The following CLCN4 variants were observed in gnomAD, a reference collection of about 807,000 sequenced individuals.
CLCN4 encodes the protein H(+)/Cl(-) exchange transporter 4.
Under a neutral mutation model 41.7 loss-of-function variants are expected in CLCN4, and 1 was observed. The observed-to-expected ratio is 0.02, with a 90% confidence interval of 0.01 to 0.11. The LOEUF is 0.11. Among genes scored for constraint, CLCN4 ranks in the 10% least tolerant of loss-of-function variants. The probability of loss-of-function intolerance (pLI) is 1.00; values close to 1 mark genes in which losing one functional copy is unlikely to be tolerated. For synonymous variants in CLCN4, 277 were observed against 285.8 expected, an observed-to-expected ratio of 0.97 and a Z score of 0.31; for missense variants, 287 against 661.0, an observed-to-expected ratio of 0.43 and a Z score of 6.20.
chrX:10,211,282 A>G (rs1246472604), intron 9 of CLCN4, among the ~76,000 whole-genome samples: 5 of 107,957 alleles, frequency 4.6e-5, no homozygotes, highest in African/African-American at 6.7e-5. Context: ...AAAAAAAAAA[A>G]AAAAAAGAAA....
chrX:10,166,475 G>GC (rs1221468408), intron 2 of CLCN4, among the ~76,000 whole-genome samples: 1 of 111,214 alleles, frequency 9.0e-6, no homozygotes, highest in Non-Finnish European at 1.9e-5. Context: ...GAGAAACGTG[G>GC]CCCCCAGTGC....
chrX:10,198,672 A>G (rs1924159699), intron 6 of CLCN4, among the ~76,000 whole-genome samples: 1 of 112,449 alleles, frequency 8.9e-6, no homozygotes, highest in Non-Finnish European at 1.9e-5. Context: ...ATGTAACCGA[A>G]GCATGAGGGA....
intron 2 of CLCN4, among the ~76,000 whole-genome samples, chrX:10,167,817 C>T (rs780924391): frequency 1.8e-5 from 2 of 112,649 alleles, no homozygotes; most frequent in Admixed American, 9.3e-5. Context: ...ACATAGAAAC[C>T]GTGTGAATGG....
intron 2 of CLCN4, among the ~76,000 whole-genome samples, chrX:10,158,987 T>C (rs1005083063): frequency 4.4e-5 from 5 of 113,078 alleles, no homozygotes; most frequent in African/African-American, 1.6e-4. Context: ...TTGTCCTCAG[T>C]AATTAGCCTC....
intron 12 of CLCN4, among the ~76,000 whole-genome samples, chrX:10,228,146 C>T (rs1219954514): frequency 9.1e-6 from 1 of 109,928 alleles, no homozygotes; most frequent in African/African-American, 3.3e-5. Flanking sequence ...ATTGTAGTCA[C>T]CCTGTTGCAC....
At chrX:10,194,121 G>A (rs1165447982) in intron 4 of CLCN4, among the ~76,000 whole-genome samples, 1 of 110,705 alleles carries the variant, frequency 9.0e-6, no homozygotes, top group Non-Finnish European at 1.9e-5. Flanking sequence ...AGAGAAGGGA[G>A]GGGTGAGTGC....
At chrX:10,190,564 G>T (rs1410133443) in intron 4 of CLCN4, among the ~76,000 whole-genome samples, 4 of 111,630 alleles carry the variant, frequency 3.6e-5, no homozygotes, top group Non-Finnish European at 5.6e-5. Flanking sequence ...TTGCTAGGGG[G>T]CAGTGTTTAC....
At chrX:10,175,917 T>C (rs188859025) in intron 2 of CLCN4, among the ~76,000 whole-genome samples, 125 of 64,042 alleles carry the variant, frequency 2.0e-3, no homozygotes, top group Middle Eastern at 0.018. Context: ...TCCCTCCCTC[T>C]CTCTCTCTCT....
intron 2 of CLCN4, among the ~76,000 whole-genome samples, chrX:10,172,285 A>G (rs1923402701): frequency 8.9e-6 from 1 of 112,135 alleles, no homozygotes; most frequent in Admixed American, 9.4e-5. Context: ...GTCATCGATT[A>G]ATACCTATTC....
chrX:10,182,046 T>C (rs1923698884), intron 2 of CLCN4, among the ~76,000 whole-genome samples: 2 of 111,561 alleles, frequency 1.8e-5, no homozygotes, highest in African/African-American at 6.5e-5. Context: ...CACAGTTCCT[T>C]TGGAGGCAAA....
chrX:10,214,041 T>C lies in CLCN4; in HGVS notation c.1937T>C (p.Ile646Thr), dbSNP rs747118105. ...GTCTCCAGAGACTCCGAGCGCCTCA[T>C]TGGATTTGCCCAGAGGAGGGAACTG... Reference protein sequence around the residue: ...VVVSRDSERLIGFAQRRELIL... With the variant: ...VVVSRDSERLTGFAQRRELIL... Residue 646 changes from isoleucine to threonine, a missense_variant, in exon 11 of 13, where the codon ATT (isoleucine) becomes ACT (threonine). Physicochemically the swap from Ile to Thr is moderately conservative, Grantham distance 89 (BLOSUM62 -1). This residue lies in a region of CLCN4 where 71 missense variants were observed against 104.5 expected (regional missense o/e 0.68). Transcript: ENST00000380833. 19 of 1,193,143 alleles carry C rather than the reference T, an allele frequency of 1.6e-5. No homozygotes were observed. The Admixed American group carries it at 3.5e-4, about 22-fold the overall frequency.
intron 2 of CLCN4, among the ~76,000 whole-genome samples, chrX:10,176,478 A>T (rs1301796645): frequency 8.9e-6 from 1 of 112,449 alleles, no homozygotes; most frequent in Non-Finnish European, 1.9e-5. Context: ...TCCCACCTGG[A>T]CCTTTCTCAG....
chrX:10,189,883 G>C (rs970897033), intron 4 of CLCN4, among the ~76,000 whole-genome samples: 1 of 112,469 alleles, frequency 8.9e-6, no homozygotes, highest in African/African-American at 3.2e-5. Flanking sequence ...TGTGCAGTAG[G>C]GGGGTTGTGA....
At chrX:10,203,899 T>A (rs1029464200) in intron 6 of CLCN4, among the ~76,000 whole-genome samples, 7 of 111,807 alleles carry the variant, frequency 6.3e-5, no homozygotes, top group Non-Finnish European at 1.1e-4. Context: ...TAAATAACAC[T>A]GACAAGAGAT....
chrX:10,180,450 G>C (rs960957354), intron 2 of CLCN4, among the ~76,000 whole-genome samples: 15 of 111,161 alleles, frequency 1.3e-4, no homozygotes, highest in Non-Finnish European at 2.5e-4. Context: ...ACTTGCTTTG[G>C]GGCCCAGAGC....
At chrX:10,182,286 C>G (rs776921477) in intron 2 of CLCN4, among the ~76,000 whole-genome samples, 1 of 112,514 alleles carries the variant, frequency 8.9e-6, no homozygotes, top group East Asian at 2.8e-4. Context: ...AATAACAACT[C>G]CTTCAAAGGA....
chrX:10,202,638 CAAAAAAAAAAAAAAA>C (rs759089094), intron 6 of CLCN4, among the ~76,000 whole-genome samples: 996 of 19,698 alleles, frequency 0.051, 31 homozygotes, highest in African/African-American at 0.15. Context: ...GACCCTGCCT[CAAAAAAAAAAAAAAA>C]AAAAAAAAAA....
chrX:10,171,835 C>T (rs1923392766), intron 2 of CLCN4, among the ~76,000 whole-genome samples: 1 of 111,997 alleles, frequency 8.9e-6, no homozygotes, highest in Admixed American at 9.4e-5. Context: ...GTTGAGACAA[C>T]ATGTGTGAAA....
At chrX:10,229,258 A>G (rs939613635) in intron 12 of CLCN4, among the ~76,000 whole-genome samples, 1 of 110,963 alleles carries the variant, frequency 9.0e-6, no homozygotes, top group African/African-American at 3.3e-5. Flanking sequence ...TCTTGAAATT[A>G]ATTAGAATTA....
Sources: gnomAD v4.1 joint callset for allele counts (sites outside exome capture counted in the v4.1 genomes callset) on GRCh38, gnomAD v4.1.1 for gene constraint, gnomAD v4.1.1 regional missense constraint, MANE v1.5 for transcripts, NCBI Gene and HGNC (gene_info 2026-07-23, HGNC 2026-07-21) for gene names.